Variants in PKHD1 observed in about 807,000 individuals in gnomAD.
PKHD1 encodes the protein fibrocystin.
PKHD1 carries 291 observed loss-of-function variants against 412.0 expected under a neutral mutation model. The observed-to-expected ratio is 0.71, with a 90% CI of 0.64 to 0.78. PKHD1 has a LOEUF of 0.78. Among genes scored for constraint, PKHD1 ranks in the 30% least tolerant of loss-of-function variants. PKHD1 has a pLI of 0.00. For missense variants in PKHD1, 4,825 were observed against 4,950.7 expected (o/e 0.97, Z 0.76); for synonymous variants, 1,777 against 1,821.5 (o/e 0.98, Z 0.62).
At position 51,959,867 on chromosome 6, in the gene PKHD1, C is replaced by T. The variant is rs1202856496; in HGVS notation, c.5908+3G>A. 6.2e-7 allele frequency: 1 copy of T among 1,612,350 alleles called. No homozygotes were observed. The highest frequency in any genetic ancestry group is 1.3e-5 in the African/African-American group (1 of 74,812). On this transcript the variant is annotated splice_donor_region_variant and intron_variant, in intron 36 of 66. Transcript: ENST00000371117. ...ATATTACCAACCTACAAACTTCACA[C>T]ACCTTTAATGTGCAGTAAGTTGAGG...
At chr6:51,916,637 C>T (rs945037176) in intron 37 of PKHD1, among the ~76,000 whole-genome samples, 1 of 152,122 alleles carries the variant, frequency 6.6e-6, no homozygotes, top group African/African-American at 2.4e-5. Context: ...AAATGTCATA[C>T]AAGGTGGACC....
chr6:51,772,670 A>T, intron 55 of PKHD1, 32 bp downstream of exon 55: 2 of 1,139,726 alleles, frequency 1.8e-6, no homozygotes, highest in Non-Finnish European at 2.6e-6. Context: ...ACAACAACCA[A>T]GAAAAAGCCC....
intron 37 of PKHD1, among the ~76,000 whole-genome samples, chr6:51,926,498 A>G (rs550280125): frequency 6.6e-6 from 1 of 152,194 alleles, no homozygotes. Flanking sequence ...TAGAAACTTG[A>G]AGTACCTTAC....
intron 65 of PKHD1, among the ~76,000 whole-genome samples, chr6:51,629,481 A>G (rs1418790349): frequency 6.6e-6 from 1 of 152,050 alleles, no homozygotes; most frequent in East Asian, 1.9e-4. Context: ...ATCACTAATC[A>G]TTAGAGAAAT....
intron 36 of PKHD1, among the ~76,000 whole-genome samples, chr6:51,939,219 A>AC (rs941458218): frequency 2.7e-5 from 4 of 147,980 alleles, no homozygotes; most frequent in African/African-American, 5.0e-5. Context: ...GGGGGCAAGA[A>AC]CCCCCCCAAC....
At chr6:51,740,577 T>C (rs1483722156) in intron 60 of PKHD1, among the ~76,000 whole-genome samples, 2 of 152,224 alleles carry the variant, frequency 1.3e-5, no homozygotes, top group African/African-American at 4.8e-5. Context: ...TTACTGAAGA[T>C]GATAATAGAT....
At chr6:51,771,666 T>C (rs1027508198) in intron 55 of PKHD1, among the ~76,000 whole-genome samples, 13 of 152,100 alleles carry the variant, frequency 8.5e-5, no homozygotes, top group East Asian at 1.9e-4. Flanking sequence ...AGTTACACTA[T>C]AATATTTAAA....
intron 54 of PKHD1, 86 bp from the exon 55 acceptor site, chr6:51,772,875 T>G (rs1790390399): frequency 1.3e-6 from 1 of 785,080 alleles, no homozygotes; most frequent in Non-Finnish European, 2.3e-6. Flanking sequence ...CAGAGGCTGT[T>G]GTGCAAAACA....
intron 60 of PKHD1, among the ~76,000 whole-genome samples, chr6:51,667,448 C>A (rs1774024987): frequency 6.7e-6 from 1 of 148,644 alleles, no homozygotes; most frequent in African/African-American, 2.5e-5. Flanking sequence ...GATATTAGCC[C>A]TTTGTCAGAT....
Position 51,786,036 on chromosome 6 carries a change from T to C in PKHD1, c.8440+5200A>G, listed in dbSNP as rs566553862. 6.6e-5 allele frequency among the ~76,000 whole-genome samples: 10 copies of C among 152,322 alleles called. No homozygotes were observed. In the East Asian group the frequency reaches 1.2e-3, roughly 18 times the overall value. On this transcript the variant is annotated intron_variant, in intron 53 of 66. Transcript: ENST00000371117. ...AAGCATTTTAATAAACATTAACTAA[T>C]TTACTTTTTTAAAAACTCTATGAAA...
At chr6:51,932,065 CCAGTAACAT>C (rs1786710693) in intron 37 of PKHD1, among the ~76,000 whole-genome samples, 1 of 152,064 alleles carries the variant, frequency 6.6e-6, no homozygotes, top group Admixed American at 6.6e-5. Flanking sequence ...TTCTCAATAT[CCAGTAACAT>C]CAGATGGCTG....
chr6:51,664,214 C>T (rs898945428), intron 60 of PKHD1, among the ~76,000 whole-genome samples: 5 of 152,188 alleles, frequency 3.3e-5, no homozygotes, highest in Admixed American at 6.5e-5. Context: ...GTCACCCAAG[C>T]CATTTCTGCC....
chr6:51,795,804 T>C (rs1411184437), intron 52 of PKHD1, among the ~76,000 whole-genome samples: 3 of 152,358 alleles, frequency 2.0e-5, no homozygotes, highest in East Asian at 1.9e-4. Context: ...TTTAGTTCTG[T>C]TTGTGTAGTG....
At chr6:51,707,642 A>T (rs1780168134) in intron 60 of PKHD1, among the ~76,000 whole-genome samples, 1 of 151,904 alleles carries the variant, frequency 6.6e-6, no homozygotes, top group African/African-American at 2.4e-5. Flanking sequence ...TACTCTCACC[A>T]TCCCTACGTA....
At position 51,853,351 on chromosome 6, in the gene PKHD1, A is replaced by G. The variant is rs185635753; in HGVS notation, c.7911+2542T>C. ...GGCTGCCTTTAACAGTTTTTCCTTC[A>G]TTTTGACCTTGGACAATCTGATAAT... On this transcript the variant is annotated intron_variant, in intron 49 of 66. Transcript: ENST00000371117. Among the ~76,000 whole-genome samples, 17 of 152,048 alleles carry G rather than the reference A, an allele frequency of 1.1e-4. No individual in the cohort carries two copies. The East Asian group carries it at 3.3e-3, about 29-fold the overall frequency.
rs865826615 is a variant in PKHD1 at position 51,897,495 on chromosome 6, A to C, written c.6996+6102T>G. 6.1e-4 allele frequency among the ~76,000 whole-genome samples: 91 copies of C among 150,070 alleles called. No homozygotes were observed. In the Middle Eastern group the frequency reaches 0.01, roughly 17 times the overall value. On this transcript the variant is annotated intron_variant, in intron 43 of 66. Coordinates refer to ENST00000371117, the MANE Select transcript of PKHD1 (RefSeq NM_138694.4). ...TTTTGTCACCACCAGGCCTGCCCTA[A>C]AAGAGCTCCTGAAGGAAGCACTAAA...
chr6:51,709,996 G>A (rs1271980303), intron 60 of PKHD1, among the ~76,000 whole-genome samples: 6 of 151,968 alleles, frequency 3.9e-5, no homozygotes, highest in African/African-American at 1.2e-4. Flanking sequence ...ATCACCTGAA[G>A]TCGGGAGATC....
In PKHD1 at chr6:52,058,771, C is replaced by CTCTATCTA. The variant is rs56342114; in HGVS notation, c.1234-178_1234-171dup. On this transcript the variant is annotated intron_variant, in intron 15 of 66. Coordinates refer to ENST00000371117, the MANE Select transcript of PKHD1 (RefSeq NM_138694.4). ...TGTGGTTATTTATGCTTCTCCAGCT[C>CTCTATCTA]TCTATCTATCTATCTATCTATCTAT... Among the ~76,000 whole-genome samples, 14,679 of 149,200 alleles carry CTCTATCTA rather than the reference C, an allele frequency of 0.098. 798 individuals carry two copies. The highest frequency in any genetic ancestry group is 0.14 in the East Asian group (719 of 5,022).
At chr6:51,952,961 G>A (rs937049802) in intron 36 of PKHD1, among the ~76,000 whole-genome samples, 2 of 152,084 alleles carry the variant, frequency 1.3e-5, no homozygotes, top group Admixed American at 6.6e-5. Context: ...CCTACACAGG[G>A]AAGGGAATCA....
Sources: gnomAD v4.1 joint callset for allele counts (sites outside exome capture counted in the v4.1 genomes callset) on GRCh38, gnomAD v4.1.1 for gene constraint, MANE v1.5 for transcripts, NCBI Gene and HGNC (gene_info 2026-07-23, HGNC 2026-07-21) for gene names.